The following DNAH3 variants were observed in gnomAD, a reference collection of about 807,000 sequenced individuals.
The protein encoded by DNAH3 is axonemal beta dynein heavy chain 3.
A neutral mutation model predicts 432.5 loss-of-function variants in DNAH3; 332 were observed. That is an observed-to-expected ratio of 0.77 (90% confidence interval 0.70 to 0.84). The LOEUF is 0.84. Ranked by LOEUF, DNAH3 falls within the 40% of genes least tolerant of loss-of-function variation. The probability of loss-of-function intolerance (pLI) is 0.00; values close to 1 mark genes in which losing one functional copy is unlikely to be tolerated. For missense variants in DNAH3, 4,861 were observed against 5,114.0 expected, an observed-to-expected ratio of 0.95 and a Z score of 1.51; for synonymous variants, 1,956 against 1,900.2, an observed-to-expected ratio of 1.03 and a Z score of -0.76.
chr16:20,955,120 C>A, intron 54 of DNAH3, 63 bp from the exon 55 acceptor site: 1 of 1,475,572 alleles, frequency 6.8e-7, no homozygotes, highest in Non-Finnish European at 9.0e-7. Context: ...AAAGCAACAA[C>A]AAAAACAAAA....
exon 49 of DNAH3, chr16:20,982,733 T>C: frequency 6.2e-7 from 1 of 1,614,058 alleles, no homozygotes; most frequent in Non-Finnish European, 8.5e-7. Flanking sequence ...TACCCGAATG[T>C]TGTCATCAAG....
At chr16:20,933,628 G>T in intron 61 of DNAH3, 121 bp from the exon 62 acceptor site, 1 of 744,176 alleles carries the variant, frequency 1.3e-6, no homozygotes, top group Non-Finnish European at 2.1e-6. Flanking sequence ...CCTCTCCCAG[G>T]ATCCAGGGAC....
chr16:21,087,482 G>A (rs1296141299), intron 18 of DNAH3, among the ~76,000 whole-genome samples: 1 of 152,098 alleles, frequency 6.6e-6, no homozygotes, highest in Non-Finnish European at 1.5e-5. Context: ...CTAGCAGTTT[G>A]AGACCAGCCT....
At chr16:21,049,986 C>G in exon 30 of DNAH3, 1 of 1,614,156 alleles carries the variant, frequency 6.2e-7, no homozygotes, top group South Asian at 1.1e-5. Flanking sequence ...TGGAGCACCC[C>G]CAAGGTTCAG....
chr16:20,973,512 T>TC (rs1330617707), intron 51 of DNAH3, among the ~76,000 whole-genome samples: 1 of 152,154 alleles, frequency 6.6e-6, no homozygotes, highest in Non-Finnish European at 1.5e-5. Context: ...CTTGGCCTCC[T>TC]GAAGTGCTGG....
chr16:21,123,965 G>A (rs1432327696), intron 9 of DNAH3, among the ~76,000 whole-genome samples: 1 of 148,010 alleles, frequency 6.8e-6, no homozygotes, highest in Non-Finnish European at 1.5e-5. Context: ...GCTAATTTTT[G>A]TATTTTTAGT....
At chr16:21,133,162 G>A (rs1002525367) in intron 7 of DNAH3, among the ~76,000 whole-genome samples, 2 of 151,774 alleles carry the variant, frequency 1.3e-5, no homozygotes, top group Non-Finnish European at 2.9e-5. Context: ...GACCAGTCTG[G>A]ACAACATGGT....
intron 5 of DNAH3, among the ~76,000 whole-genome samples, chr16:21,138,536 G>C (rs1470192564): frequency 1.3e-5 from 2 of 151,976 alleles, no homozygotes; most frequent in East Asian, 3.9e-4. Flanking sequence ...GACTGGCTGG[G>C]TGCGGTGGCT....
At chr16:21,013,737 A>T (rs1029645153) in intron 41 of DNAH3, among the ~76,000 whole-genome samples, 5 of 151,418 alleles carry the variant, frequency 3.3e-5, no homozygotes, top group Non-Finnish European at 5.9e-5. Flanking sequence ...AAAAAAAAAA[A>T]AAACTAAAAA....
intron 41 of DNAH3, among the ~76,000 whole-genome samples, chr16:21,012,192 C>T (rs1206899546): frequency 1.3e-5 from 2 of 152,064 alleles, no homozygotes; most frequent in African/African-American, 4.8e-5. Flanking sequence ...ATGAAAAGCG[C>T]ACCTCGAAAG....
At chr16:21,070,929 G>C in intron 21 of DNAH3, 103 bp from the exon 22 acceptor site, 1 of 724,918 alleles carries the variant, frequency 1.4e-6, no homozygotes, top group Non-Finnish European at 2.4e-6. Context: ...TCCTCACCCA[G>C]GCCTGAGTGC....
intron 37 of DNAH3, among the ~76,000 whole-genome samples, chr16:21,027,676 C>T (rs1487954946): frequency 2.0e-5 from 3 of 152,100 alleles, no homozygotes; most frequent in African/African-American, 7.2e-5. Context: ...CCTGTCTCTA[C>T]TAAAAATACA....
At chr16:21,010,908 T>G (rs1365329509) in intron 41 of DNAH3, among the ~76,000 whole-genome samples, 1 of 151,768 alleles carries the variant, frequency 6.6e-6, no homozygotes, top group Non-Finnish European at 1.5e-5. Flanking sequence ...TTTTGTTTTT[T>G]TTTGTTTTGT....
At chr16:20,983,120 A>T (rs1049711825) in intron 48 of DNAH3, among the ~76,000 whole-genome samples, 7 of 152,046 alleles carry the variant, frequency 4.6e-5, no homozygotes, top group Non-Finnish European at 1.0e-4. Flanking sequence ...TTTTAAAAAA[A>T]ATTTTAATTT....
chr16:21,086,461 CTTTT>C (rs371755846), intron 19 of DNAH3, among the ~76,000 whole-genome samples: 1 of 152,136 alleles, frequency 6.6e-6, no homozygotes, highest in Admixed American at 6.6e-5. Flanking sequence ...ATGTGACTTT[CTTTT>C]TTGTGTATCC....
intron 51 of DNAH3, among the ~76,000 whole-genome samples, chr16:20,972,346 G>A (rs2085380790): frequency 6.6e-6 from 1 of 151,840 alleles, no homozygotes; most frequent in Non-Finnish European, 1.5e-5. Flanking sequence ...CCTGTCTCAG[G>A]CTGCTGAGTA....
intron 51 of DNAH3, among the ~76,000 whole-genome samples, chr16:20,973,399 T>C (rs2085435127): frequency 6.6e-6 from 1 of 152,024 alleles, no homozygotes; most frequent in Non-Finnish European, 1.5e-5. Flanking sequence ...ATTACAAGCA[T>C]GTGCCACCAC....
At chr16:20,942,530 A>T (rs975527303) in intron 58 of DNAH3, among the ~76,000 whole-genome samples, 1 of 152,188 alleles carries the variant, frequency 6.6e-6, no homozygotes, top group African/African-American at 2.4e-5. Flanking sequence ...CATACCAGTG[A>T]TACTTAATGG....
chr16:21,108,544 G>A (rs114575511), intron 14 of DNAH3, among the ~76,000 whole-genome samples: 2,769 of 152,118 alleles, frequency 0.018, 89 homozygotes, highest in African/African-American at 0.062. Flanking sequence ...GGGAGTTTGA[G>A]ACCAGCCTGG....
Sources: allele counts gnomAD v4.1 joint callset (sites outside exome capture counted in the v4.1 genomes callset), GRCh38; gene constraint gnomAD v4.1.1; transcripts MANE v1.5; gene names NCBI Gene and HGNC (gene_info 2026-07-23, HGNC 2026-07-21).